IQSEC2: variants seen among roughly 807,000 people sequenced by gnomAD.
The protein encoded by IQSEC2 is IQ motif and Sec7 domain ArfGEF 2.
In IQSEC2, 6 loss-of-function variants were observed where a neutral mutation model predicts 74.6. The ratio of observed to expected loss-of-function variants is 0.08; its 90% CI spans 0.04 to 0.16. The LOEUF is 0.16. Among genes scored for constraint, IQSEC2 ranks in the 10% least tolerant of loss-of-function variants. The pLI is 1.00. For synonymous variants in IQSEC2, 494 were observed against 544.5 expected, an observed-to-expected ratio of 0.91 and a Z score of 1.29; for missense variants, 734 against 1,306.2, an observed-to-expected ratio of 0.56 and a Z score of 6.75.
At chrX:53,252,741 A>G (rs2074411069) in intron 4 of IQSEC2, among the ~76,000 whole-genome samples, 1 of 112,424 alleles carries the variant, frequency 8.9e-6, no homozygotes, top group Non-Finnish European at 1.9e-5. Flanking sequence ...AAACTGTATG[A>G]AATAATAAAT....
In IQSEC2 at chrX:53,235,881, T is replaced by C. The variant is rs1556859539; in HGVS notation, c.3452-49A>G. On this transcript the variant is annotated intron_variant, in intron 13 of 14. Coordinates refer to ENST00000642864, the MANE Select transcript of IQSEC2 (RefSeq NM_001111125.3). ...AGCGTCAGAGCAGCAACCCCCCCCC[T>C]ACCCTGCTGGGCTCCAGAGCTGGGC... 5.6e-6 allele frequency: 6 copies of C among 1,080,044 alleles called. No homozygotes were observed. The Admixed American group carries it at 7.9e-5, about 14-fold the overall frequency. 89.0% of individuals were successfully genotyped at this position (1,080,044 alleles called of 1,213,427 possible).
chrX:53,295,570 C>T (rs938634076), intron 1 of IQSEC2, among the ~76,000 whole-genome samples: 1 of 88,583 alleles, frequency 1.1e-5, no homozygotes, highest in Non-Finnish European at 2.1e-5. Flanking sequence ...CACCACTGCA[C>T]TCCAGCCTGG....
At chrX:53,280,778 T>C (rs1259876421) in intron 2 of IQSEC2, among the ~76,000 whole-genome samples, 2 of 111,449 alleles carry the variant, frequency 1.8e-5, no homozygotes, top group African/African-American at 6.5e-5. Context: ...GAGGGCCTGG[T>C]CCCTGCCCTA....
intron 2 of IQSEC2, among the ~76,000 whole-genome samples, chrX:53,258,127 C>T (rs958469211): frequency 1.8e-5 from 2 of 111,643 alleles, no homozygotes; most frequent in Non-Finnish European, 3.8e-5. Context: ...CCATCGTCTC[C>T]GCCATCTGCA....
chrX:53,267,791 C>T (rs1306103603), intron 2 of IQSEC2, among the ~76,000 whole-genome samples: 1 of 112,035 alleles, frequency 8.9e-6, no homozygotes, highest in Admixed American at 9.5e-5. Context: ...CTTGGAGCCT[C>T]AGTTTCCTCG....
Position 53,274,912 on chromosome X carries a change from TGATATA to T in IQSEC2, c.737+16977_737+16982del, listed in dbSNP as rs1408335064. 9.0e-5 allele frequency among the ~76,000 whole-genome samples: 10 copies of T among 111,579 alleles called. No individual in the cohort carries two copies. In the East Asian group the frequency reaches 2.2e-3, roughly 25 times the overall value. ...CTTTTTCTTACTAGTTTCCAGAAGGTGATATAGATATAGGCAGAGATATTAACCTTT... is the reference window on the plus strand; with the variant it reads ...CTTTTTCTTACTAGTTTCCAGAAGGTGATATAGGCAGAGATATTAACCTTT... On this transcript the variant is annotated intron_variant, in intron 2 of 14. Transcript: ENST00000642864.
At chrX:53,254,460 T>G in intron 4 of IQSEC2, 70 bp downstream of exon 4, 1 of 1,044,228 alleles carries the variant, frequency 9.6e-7, no homozygotes, top group Non-Finnish European at 1.3e-6. Flanking sequence ...GTTTGCAATC[T>G]AGGTAAAAAG....
At chrX:53,238,442 C>T in intron 11 of IQSEC2, 136 bp from the exon 12 acceptor site, 1 of 603,480 alleles carries the variant, frequency 1.7e-6, no homozygotes, top group Admixed American at 2.7e-5. Flanking sequence ...TGCAGTGGTG[C>T]CATCATGGCT....
intron 2 of IQSEC2, among the ~76,000 whole-genome samples, chrX:53,278,513 A>G (rs111941019): frequency 0.056 from 6,272 of 111,010 alleles, 422 homozygotes; most frequent in African/African-American, 0.2. Flanking sequence ...TTTGTTTTCC[A>G]TTTCATTAAT....
chrX:53,259,521 C>T (rs782739095), intron 2 of IQSEC2, among the ~76,000 whole-genome samples: 1 of 109,010 alleles, frequency 9.2e-6, no homozygotes, highest in African/African-American at 3.4e-5. Context: ...AAAAGTATTG[C>T]CAGGCATGGT....
At chrX:53,287,928 A>G (rs1308111504) in intron 2 of IQSEC2, among the ~76,000 whole-genome samples, 3 of 111,127 alleles carry the variant, frequency 2.7e-5, no homozygotes, top group African/African-American at 9.8e-5. Context: ...TCCAGCTCTG[A>G]CTCCTCTAGA....
At chrX:53,247,660 T>C (rs2074328151) in intron 7 of IQSEC2, among the ~76,000 whole-genome samples, 1 of 112,325 alleles carries the variant, frequency 8.9e-6, no homozygotes. Flanking sequence ...GGATGGATCA[T>C]GGACTCAGAC....
At chrX:53,310,215 C>T (rs1349053213) in intron 1 of IQSEC2, among the ~76,000 whole-genome samples, 1 of 110,239 alleles carries the variant, frequency 9.1e-6, no homozygotes, top group African/African-American at 3.3e-5. Context: ...CAGAGGGAGA[C>T]TCTGTCTCTA....
intron 1 of IQSEC2, among the ~76,000 whole-genome samples, chrX:53,301,738 GC>G (rs1174185900): frequency 9.8e-5 from 11 of 111,721 alleles, no homozygotes. Flanking sequence ...ACTTGCTTGG[GC>G]CCTAGAAATG....
chrX:53,260,688 G>A (rs1203292066), intron 2 of IQSEC2, among the ~76,000 whole-genome samples: 5 of 111,005 alleles, frequency 4.5e-5, no homozygotes, highest in Admixed American at 9.6e-5. Flanking sequence ...TCTTACACCC[G>A]CTCCTCTCGG....
rs139630327 is a variant in IQSEC2 at position 53,274,965 on chromosome X, A to T, written c.737+16930T>A. On this transcript the variant is annotated intron_variant, in intron 2 of 14. Coordinates refer to ENST00000642864, the MANE Select transcript of IQSEC2 (RefSeq NM_001111125.3). ...CTTTTGCCTGATATCTGTGTAGTAAACACTTTCTCCTAGCCTGTTTATGTT... is the reference window on the plus strand; with the variant it reads ...CTTTTGCCTGATATCTGTGTAGTAATCACTTTCTCCTAGCCTGTTTATGTT... Among the ~76,000 whole-genome samples the T allele has an allele frequency of 2.1e-4, 23 of 111,410 alleles. 1 individual carries two copies. In the East Asian group the frequency reaches 6.2e-3, roughly 30 times the overall value.
chrX:53,245,277 A>G (rs1330912404), intron 8 of IQSEC2, among the ~76,000 whole-genome samples: 1 of 109,442 alleles, frequency 9.1e-6, no homozygotes, highest in Non-Finnish European at 1.9e-5. Context: ...AAAATTTAGA[A>G]ATTAGTTGGG....
At chrX:53,293,166 G>A (rs1424109047) in intron 1 of IQSEC2, among the ~76,000 whole-genome samples, 1 of 112,371 alleles carries the variant, frequency 8.9e-6, no homozygotes, top group Non-Finnish European at 1.9e-5. Flanking sequence ...CCGCTGGCGA[G>A]GTGGGGCAGG....
At chrX:53,249,413 C>T (rs149542821) in intron 5 of IQSEC2, among the ~76,000 whole-genome samples, 30 of 111,610 alleles carry the variant, frequency 2.7e-4, no homozygotes, top group African/African-American at 9.4e-4. Context: ...ATATTCAGAA[C>T]CCCAGAACCT....
Sources: allele counts gnomAD v4.1 joint callset (sites outside exome capture counted in the v4.1 genomes callset), GRCh38; gene constraint gnomAD v4.1.1; transcripts MANE v1.5; gene names NCBI Gene and HGNC (gene_info 2026-07-23, HGNC 2026-07-21).